The following MDGA2 variants were observed in gnomAD, a reference collection of about 807,000 sequenced individuals.
The protein encoded by MDGA2 is MAM domain-containing glycosylphosphatidylinositol anchor protein 2.
In MDGA2, 40 loss-of-function variants were observed where a neutral mutation model predicts 117.8. The ratio of observed to expected loss-of-function variants is 0.34; its 90% CI spans 0.26 to 0.44. The LOEUF is 0.44. Ranked by LOEUF, MDGA2 falls within the 20% of genes least tolerant of loss-of-function variation. The pLI, the probability that MDGA2 is intolerant of heterozygous loss-of-function variation, is 1.00. For synonymous variants in MDGA2, 452 were observed against 439.0 expected, an observed-to-expected ratio of 1.03 and a Z score of -0.37; for missense variants, 1,123 against 1,250.6, an observed-to-expected ratio of 0.90 and a Z score of 1.54.
chr14:47,327,947 G>A, intron 1 of MDGA2, among the ~76,000 whole-genome samples: 1 of 152,146 alleles, frequency 6.6e-6, no homozygotes, highest in East Asian at 1.9e-4. Flanking sequence ...CTCACTCTCA[G>A]TGACAAAGTT....
At chr14:47,324,079 A>G (rs1245645911) in intron 1 of MDGA2, among the ~76,000 whole-genome samples, 1 of 151,674 alleles carries the variant, frequency 6.6e-6, no homozygotes, top group Non-Finnish European at 1.5e-5. Context: ...CCCTGTCTCC[A>G]CTAAAAATAT....
rs1264476137 is a variant in MDGA2 at position 47,204,240 on chromosome 14, T to C, written c.595+13781A>G. Among the ~76,000 whole-genome samples, 3 of 152,014 alleles carry C rather than the reference T, an allele frequency of 2.0e-5. No homozygotes were observed. In the East Asian group the frequency reaches 5.8e-4, roughly 29 times the overall value. On this transcript the variant is annotated intron_variant, in intron 3 of 16. Coordinates refer to ENST00000399232, the MANE Select transcript of MDGA2 (RefSeq NM_001113498.3). ...TACATGTTTAACTTACAAGAGAAGA[T>C]ATATGGTAGACAAAGCTGAATGGAA... is the stretch of plus-strand genomic sequence containing the variant.
chr14:47,615,789 A>G (rs1896938454), intron 1 of MDGA2, among the ~76,000 whole-genome samples: 1 of 152,210 alleles, frequency 6.6e-6, no homozygotes. Context: ...GATTATTAAT[A>G]AAGTGGAAAT....
intron 1 of MDGA2, among the ~76,000 whole-genome samples, chr14:47,655,671 C>A (rs868023444): frequency 1.8e-4 from 27 of 152,160 alleles, no homozygotes; most frequent in African/African-American, 6.3e-4. Context: ...AAAAAAAGAA[C>A]AAATTAGCTC....
At position 46,841,966 on chromosome 14, in the gene MDGA2, T is replaced by C; in HGVS notation, c.3043A>G (p.Ile1015Val). 1.2e-6 allele frequency: 2 copies of C among 1,612,710 alleles called. No individual in the cohort carries two copies. The highest frequency in any genetic ancestry group is 2.2e-5 in the East Asian group (1 of 44,802). Residue 1015 changes from isoleucine (I) to valine (V), a missense_variant, in exon 17 of 17, where the codon ATC (isoleucine) becomes GTC (valine). By Grantham distance (29) the Ile-to-Val change is conservative. Coordinates refer to ENST00000399232, the MANE Select transcript of MDGA2 (RefSeq NM_001113498.3). ...ILVHIWLFPI[I>V]VLISILSPRR ...GGACTTAAGATAGAGATGAGGACGATAATGGGAAAAAGCCATATATGAACC... is the reference window on the plus strand; with the variant it reads ...GGACTTAAGATAGAGATGAGGACGACAATGGGAAAAAGCCATATATGAACC...
chr14:47,017,135 C>A (rs1888111807), intron 8 of MDGA2, among the ~76,000 whole-genome samples: 1 of 151,230 alleles, frequency 6.6e-6, no homozygotes, highest in Admixed American at 6.6e-5. Context: ...GTGCTTTATC[C>A]TTGAAATTGA....
chr14:47,129,489 C>T (rs1283443744), intron 5 of MDGA2, among the ~76,000 whole-genome samples: 2 of 150,170 alleles, frequency 1.3e-5, no homozygotes, highest in African/African-American at 4.9e-5. Flanking sequence ...TCCAGTCTAT[C>T]ATTGTTGGAC....
chr14:46,857,827 T>G (rs2138309766), intron 14 of MDGA2, among the ~76,000 whole-genome samples: 1 of 151,992 alleles, frequency 6.6e-6, no homozygotes, highest in South Asian at 2.1e-4. Flanking sequence ...GCTAATTTAT[T>G]TATCTTTTTT....
chr14:47,445,943 T>C (rs1193290276), intron 1 of MDGA2, among the ~76,000 whole-genome samples: 4 of 152,130 alleles, frequency 2.6e-5, no homozygotes, highest in Non-Finnish European at 5.9e-5. Flanking sequence ...TGGAACAAAA[T>C]ATAATTTATT....
At chr14:47,568,062 G>A (rs57007572) in intron 1 of MDGA2, among the ~76,000 whole-genome samples, 4,785 of 152,066 alleles carry the variant, frequency 0.031, 262 homozygotes, top group African/African-American at 0.11. Context: ...AGTCAGTACT[G>A]CTGGGGCCCT....
chr14:46,994,346 CCTT>C (rs1887206409), intron 8 of MDGA2, among the ~76,000 whole-genome samples: 1 of 152,126 alleles, frequency 6.6e-6, no homozygotes, highest in Non-Finnish European at 1.5e-5. Context: ...AATTCTGAGT[CCTT>C]CTAACAAGTT....
intron 7 of MDGA2, among the ~76,000 whole-genome samples, chr14:47,047,274 C>T (rs1194486281): frequency 6.6e-6 from 1 of 152,010 alleles, no homozygotes; most frequent in Non-Finnish European, 1.5e-5. Flanking sequence ...GACCTGGGCT[C>T]AGGTTGTAAT....
chr14:46,945,369 A>G (rs1172259616), intron 9 of MDGA2, among the ~76,000 whole-genome samples: 2 of 152,094 alleles, frequency 1.3e-5, no homozygotes, highest in Admixed American at 6.6e-5. Context: ...TTGGAGTCTC[A>G]TCAGGATGTT....
chr14:47,378,238 T>TAA (rs1027924430), intron 1 of MDGA2, among the ~76,000 whole-genome samples: 4 of 152,064 alleles, frequency 2.6e-5, no homozygotes, highest in Admixed American at 6.5e-5. Flanking sequence ...CAAAGGTAGA[T>TAA]AAAACCACAA....
intron 1 of MDGA2, among the ~76,000 whole-genome samples, chr14:47,398,828 C>T (rs1172201320): frequency 6.6e-6 from 1 of 152,108 alleles, no homozygotes; most frequent in South Asian, 2.1e-4. Flanking sequence ...CTATGTAGTA[C>T]AAAGTTTGTA....
chr14:47,612,212 ATAGATAGATAG>A (rs1566541089), intron 1 of MDGA2, among the ~76,000 whole-genome samples: 4 of 134,204 alleles, frequency 3.0e-5, no homozygotes, highest in African/African-American at 1.1e-4. Flanking sequence ...AGATAGACAG[ATAGATAGATAG>A]ATAGATAGAT....
chr14:47,471,585 C>T (rs1893729630), intron 1 of MDGA2, among the ~76,000 whole-genome samples: 1 of 152,112 alleles, frequency 6.6e-6, no homozygotes, highest in South Asian at 2.1e-4. Context: ...AATTTAAAAA[C>T]ATCTAGTTTT....
intron 1 of MDGA2, among the ~76,000 whole-genome samples, chr14:47,460,548 T>A (rs950127455): frequency 2.0e-5 from 3 of 152,096 alleles, no homozygotes; most frequent in Non-Finnish European, 2.9e-5. Flanking sequence ...ATATATAAAT[T>A]TTTGCAAAAT....
chr14:47,144,109 C>T lies in MDGA2; in HGVS notation c.761G>A (p.Gly254Glu). The part of the protein sequence containing the change: ...QEVLLQGSDK[G>E]VEIYEPFFTQ... ...AAAGAATGGTTCATAAATCTCAACT[C>T]CTTTATCAGATCCTTGCAGCAAGAC... is the stretch of plus-strand genomic sequence containing the variant. Residue 254 changes from glycine (G) to glutamate (E), a missense_variant, in exon 4 of 17, where the codon GGA (glycine) becomes GAA (glutamate). Gly to Glu is a moderately conservative substitution (Grantham distance 98). Transcript: ENST00000399232. The T allele has an allele frequency of 6.4e-7, 1 of 1,550,544 alleles. No homozygotes were observed. Among genetic ancestry groups the T allele is most frequent in the Admixed American group, 2.0e-5 (1 of 50,898 alleles).
Sources: allele counts gnomAD v4.1 joint callset (sites outside exome capture counted in the v4.1 genomes callset), GRCh38; gene constraint gnomAD v4.1.1; transcripts MANE v1.5; gene names NCBI Gene and HGNC (gene_info 2026-07-23, HGNC 2026-07-21).